Variants in TYW1 observed in about 807,000 individuals in gnomAD.
TYW1 encodes the protein tRNA-yW synthesizing protein 1 homolog.
In TYW1, 46 loss-of-function variants were observed where a neutral mutation model predicts 96.2. The observed-to-expected ratio is 0.48, with a 90% CI of 0.38 to 0.61. TYW1 has a LOEUF of 0.61. TYW1 is among the 20% of genes least tolerant of loss of function. The pLI is 0.00. For synonymous variants in TYW1, 274 were observed against 323.0 expected (o/e 0.85, Z 1.63); for missense variants, 684 against 909.6 (o/e 0.75, Z 3.19).
intron 15 of TYW1, among the ~76,000 whole-genome samples, chr7:67,220,399 T>G (rs954331130): frequency 2.6e-5 from 4 of 151,880 alleles, no homozygotes; most frequent in African/African-American, 9.7e-5. Flanking sequence ...AAGATGGGGT[T>G]TCACCGTGTT....
intron 12 of TYW1, among the ~76,000 whole-genome samples, chr7:67,110,150 C>T (rs2115929103): frequency 6.6e-6 from 1 of 152,284 alleles, no homozygotes; most frequent in Non-Finnish European, 1.5e-5. Context: ...ACAAAGCCGC[C>T]TCATGTGGCA....
intron 12 of TYW1, among the ~76,000 whole-genome samples, chr7:67,099,926 C>T (rs541536205): frequency 1.3e-5 from 2 of 151,870 alleles, no homozygotes; most frequent in Non-Finnish European, 2.9e-5. Context: ...CGCTTGAACC[C>T]GGGAGGCGGA....
intron 15 of TYW1, among the ~76,000 whole-genome samples, chr7:67,221,428 C>A (rs181918713): frequency 6.6e-6 from 1 of 152,244 alleles, no homozygotes; most frequent in Non-Finnish European, 1.5e-5. Context: ...GGGATCATAT[C>A]TTTTTGTTTA....
At chr7:67,195,146 C>T (rs755679011) in intron 14 of TYW1, 24 bp from the exon 15 acceptor site, 1 of 1,609,868 alleles carries the variant, frequency 6.2e-7, no homozygotes, top group East Asian at 2.2e-5. Flanking sequence ...GTAGTCATCT[C>T]TGATGGTTAT....
chr7:67,065,300 A>G (rs1383123542), intron 9 of TYW1, among the ~76,000 whole-genome samples: 3 of 152,248 alleles, frequency 2.0e-5, no homozygotes, highest in Admixed American at 1.3e-4. Context: ...TAAAGAGCCT[A>G]TATCCACATG....
chr7:67,197,514 C>T (rs35982871), intron 15 of TYW1, among the ~76,000 whole-genome samples: 38,130 of 151,914 alleles, frequency 0.25, 4,954 homozygotes, highest in African/African-American at 0.3. Flanking sequence ...TTAGTAGAGA[C>T]GGGGTTTCAC....
rs1381799619 is a variant in TYW1 at position 67,178,969 on chromosome 7, C to T, written c.1699-4157C>T. The stretch of plus-strand genomic sequence containing the variant: ...TTGCATGACAGGTGAGCCCCAAAAC[C>T]GGGGCTTAGCTTGGGAGGATTTTTG... On this transcript the variant is annotated intron_variant, in intron 13 of 15. Coordinates refer to ENST00000359626, the MANE Select transcript of TYW1 (RefSeq NM_018264.4). Among the ~76,000 whole-genome samples, 7 of 138,832 alleles carry T rather than the reference C, an allele frequency of 5.0e-5. 2 individuals are homozygous for T. In the South Asian group the frequency reaches 1.4e-3, roughly 28 times the overall value. 91.1% of individuals were successfully genotyped at this position (138,832 alleles called of 152,430 possible).
intron 13 of TYW1, among the ~76,000 whole-genome samples, chr7:67,129,644 A>G (rs1798002118): frequency 1.3e-5 from 2 of 152,220 alleles, no homozygotes; most frequent in Non-Finnish European, 2.9e-5. Context: ...GTTAAGACAC[A>G]GTGATGACGT....
intron 14 of TYW1, among the ~76,000 whole-genome samples, chr7:67,190,780 A>G (rs542012058): frequency 7.5e-6 from 1 of 133,678 alleles, no homozygotes; most frequent in African/African-American, 2.5e-5. Flanking sequence ...TATTATGGGG[A>G]AAAAATGTCA....
At chr7:67,073,722 T>C (rs531163002) in intron 10 of TYW1, among the ~76,000 whole-genome samples, 40 of 106,682 alleles carry the variant, frequency 3.7e-4, no homozygotes, top group African/African-American at 1.4e-3. Context: ...TGCAGTGAGC[T>C]ATCATGCCAC....
intron 13 of TYW1, among the ~76,000 whole-genome samples, chr7:67,162,924 A>G (rs1297791813): frequency 6.6e-6 from 1 of 152,220 alleles, no homozygotes; most frequent in African/African-American, 2.4e-5. Flanking sequence ...GAAAGTATAT[A>G]GAGTAGCCCT....
chr7:67,162,313 CAA>C (rs60661089), intron 13 of TYW1, among the ~76,000 whole-genome samples: 90 of 102,150 alleles, frequency 8.8e-4, no homozygotes, highest in African/African-American at 2.5e-3. Flanking sequence ...GACTCTGTCT[CAA>C]AAAAAAAAAA....
chr7:67,025,080 T>G (rs1794405651), intron 7 of TYW1, 58 bp downstream of exon 7: 1 of 1,604,902 alleles, frequency 6.2e-7, no homozygotes, highest in Non-Finnish European at 8.5e-7. Flanking sequence ...ACATTTAGTA[T>G]TTCTTTATTA....
At chr7:67,187,344 G>A (rs1563062030) in intron 14 of TYW1, among the ~76,000 whole-genome samples, 2 of 152,152 alleles carry the variant, frequency 1.3e-5, no homozygotes, top group Admixed American at 6.5e-5. Flanking sequence ...GATTACAGGC[G>A]TGAGCCACCA....
At chr7:67,140,761 G>A (rs936034318) in intron 13 of TYW1, among the ~76,000 whole-genome samples, 2 of 152,124 alleles carry the variant, frequency 1.3e-5, no homozygotes, top group African/African-American at 4.8e-5. Flanking sequence ...AATTTCCCCT[G>A]AGACATACAT....
In TYW1 at chr7:67,035,124, C is replaced by CTT. The variant is rs544228034; in HGVS notation, c.984+10113_984+10114dup. 9.0e-5 allele frequency among the ~76,000 whole-genome samples: 13 copies of CTT among 143,998 alleles called. No homozygotes were observed. The East Asian group carries it at 1.0e-3, about 11-fold the overall frequency. The allele number at this position is 143,998 out of a possible 152,430, so 94.5% of individuals were successfully genotyped here. On this transcript the variant is annotated intron_variant, in intron 7 of 15. Coordinates refer to ENST00000359626, the MANE Select transcript of TYW1 (RefSeq NM_018264.4). ...TTCTTTTCATGTGAAACATTTCTTT[C>CTT]TTTTTTTTTTTTGAGATGGAGTCTT...
At chr7:67,100,582 C>T (rs1055948118) in intron 12 of TYW1, among the ~76,000 whole-genome samples, 5 of 152,072 alleles carry the variant, frequency 3.3e-5, no homozygotes, top group African/African-American at 1.2e-4. Flanking sequence ...CGTGGTGACT[C>T]ACGCCTGTAA....
At chr7:67,004,345 C>G (rs1215274472) in intron 3 of TYW1, among the ~76,000 whole-genome samples, 1 of 152,046 alleles carries the variant, frequency 6.6e-6, no homozygotes, top group Non-Finnish European at 1.5e-5. Context: ...AGATGAATCC[C>G]TGGGGGAGGG....
intron 15 of TYW1, among the ~76,000 whole-genome samples, chr7:67,203,407 T>C (rs1381249487): frequency 1.3e-5 from 2 of 152,258 alleles, no homozygotes; most frequent in African/African-American, 4.8e-5. Context: ...AATTCCATTT[T>C]TATTTCTCTG....
Sources: allele counts gnomAD v4.1 joint callset (sites outside exome capture counted in the v4.1 genomes callset), GRCh38; gene constraint gnomAD v4.1.1; transcripts MANE v1.5; gene names NCBI Gene and HGNC (gene_info 2026-07-23, HGNC 2026-07-21).